The following DNAH6 variants were observed in gnomAD, a reference collection of about 807,000 sequenced individuals.
The protein encoded by DNAH6 is dynein axonemal heavy chain 6.
A neutral mutation model predicts 491.4 loss-of-function variants in DNAH6; 340 were observed. The ratio of observed to expected loss-of-function variants is 0.69; its 90% confidence interval spans 0.63 to 0.76. The LOEUF (loss-of-function observed/expected upper bound fraction) is 0.76, where lower values mean the gene tolerates loss of function less well. Ranked by LOEUF, DNAH6 falls within the 30% of genes least tolerant of loss-of-function variation. The probability of loss-of-function intolerance (pLI) is 0.00; values close to 1 mark genes in which losing one functional copy is unlikely to be tolerated. For missense variants in DNAH6, 4,443 were observed against 4,972.2 expected (o/e 0.89, Z 3.20); for synonymous variants, 1,603 against 1,686.1 (o/e 0.95, Z 1.21).
chr2:84,524,728 T>A (rs1194655708), intron 2 of DNAH6, among the ~76,000 whole-genome samples: 1 of 152,102 alleles, frequency 6.6e-6, no homozygotes, highest in Non-Finnish European at 1.5e-5. Context: ...AATCTTAACA[T>A]CATTTTTATA....
chr2:84,502,891 G>A, the DNAH6 span, among the ~76,000 whole-genome samples: 3 of 152,062 alleles, frequency 2.0e-5, no homozygotes, highest in Admixed American at 6.5e-5. Flanking sequence ...TGTCTTTACA[G>A]GGAATATGTG....
At chr2:84,772,795 G>T (rs772020607) in intron 64 of DNAH6, among the ~76,000 whole-genome samples, 1 of 151,910 alleles carries the variant, frequency 6.6e-6, no homozygotes, top group East Asian at 1.9e-4. Flanking sequence ...AATATTAATA[G>T]ATTTGGCAGA....
chr2:84,798,070 G>A (rs1261768031), intron 70 of DNAH6, among the ~76,000 whole-genome samples: 1 of 152,156 alleles, frequency 6.6e-6, no homozygotes, highest in Non-Finnish European at 1.5e-5. Flanking sequence ...AAAATACAGT[G>A]ACAAATGTCC....
chr2:84,632,738 A>G (rs904033976), intron 29 of DNAH6, among the ~76,000 whole-genome samples: 2 of 149,722 alleles, frequency 1.3e-5, no homozygotes, highest in African/African-American at 5.0e-5. Flanking sequence ...TATTATTACT[A>G]ATTTCCAGGG....
At chr2:84,570,791 C>T (rs371525103) in intron 11 of DNAH6, among the ~76,000 whole-genome samples, 2 of 152,176 alleles carry the variant, frequency 1.3e-5, no homozygotes, top group African/African-American at 4.8e-5. Flanking sequence ...CCCTTCCACG[C>T]TGTGGAAGGT....
chr2:84,557,239 T>C (rs993262905), intron 10 of DNAH6, among the ~76,000 whole-genome samples: 17 of 152,226 alleles, frequency 1.1e-4, no homozygotes, highest in Non-Finnish European at 2.2e-4. Flanking sequence ...TTAGAAAACA[T>C]ATGTCCTGAA....
intron 58 of DNAH6, among the ~76,000 whole-genome samples, chr2:84,717,028 C>G (rs1028143040): frequency 1.3e-5 from 2 of 152,118 alleles, no homozygotes; most frequent in African/African-American, 4.8e-5. Flanking sequence ...AGTTCACCTC[C>G]CTGCCTCCTG....
At chr2:84,539,624 A>G (rs1237901099) in intron 4 of DNAH6, among the ~76,000 whole-genome samples, 1 of 152,114 alleles carries the variant, frequency 6.6e-6, no homozygotes, top group African/African-American at 2.4e-5. Flanking sequence ...GCTAAAACAC[A>G]GATGGTTAAA....
rs767289672 is a variant in DNAH6, at chr2:84,701,276, C to T, written c.7998C>T (p.Ser2666=). 1.9e-5 allele frequency: 29 copies of T among 1,551,764 alleles called. No individual in the cohort carries two copies. Among genetic ancestry groups the T allele is most frequent in the Middle Eastern group, 1.7e-4 (1 of 6,016 alleles). ...LRRRYYTTPT[S]YLELINLYLS... Reference sequence around the variant, plus strand: ...GGCGGTACTACACGACACCCACCTCCTACCTGGAGCTTATCAATCTTTACC... The same window carrying T: ...GGCGGTACTACACGACACCCACCTCTTACCTGGAGCTTATCAATCTTTACC... Residue 2666 remains serine (S), a synonymous_variant, in exon 49 of 77, where the codon TCC becomes TCT. Coordinates refer to ENST00000389394, the MANE Select transcript of DNAH6 (RefSeq NM_001370.2).
chr2:84,571,251 A>G (rs1284886263), intron 11 of DNAH6, among the ~76,000 whole-genome samples: 1 of 152,246 alleles, frequency 6.6e-6, no homozygotes, highest in Non-Finnish European at 1.5e-5. Context: ...AGCAATCACC[A>G]AGAATCTCTG....
intron 4 of DNAH6, among the ~76,000 whole-genome samples, chr2:84,535,135 T>C (rs1677562707): frequency 6.6e-6 from 1 of 151,980 alleles, no homozygotes; most frequent in African/African-American, 2.4e-5. Flanking sequence ...CTTGAGTTTT[T>C]AAAAAATTTT....
At chr2:84,596,408 C>T (rs140570791) in intron 18 of DNAH6, among the ~76,000 whole-genome samples, 4,349 of 152,118 alleles carry the variant, frequency 0.029, 224 homozygotes, top group African/African-American at 0.099. Flanking sequence ...ACTGCAACCT[C>T]GGCCTCCTGG....
intron 71 of DNAH6, among the ~76,000 whole-genome samples, chr2:84,808,131 A>G (rs112017201): frequency 2.8e-3 from 390 of 141,254 alleles, no homozygotes; most frequent in African/African-American, 3.3e-3. Context: ...GTGTATATAT[A>G]TGTGTGTGTG....
intron 8 of DNAH6, among the ~76,000 whole-genome samples, chr2:84,549,340 T>G (rs1409183013): frequency 4.6e-5 from 7 of 152,182 alleles, no homozygotes; most frequent in African/African-American, 1.7e-4. Flanking sequence ...GACCTAGAAG[T>G]ATTAGAGGCC....
chr2:84,664,351 C>A (rs1298014123), intron 37 of DNAH6, among the ~76,000 whole-genome samples: 1 of 152,050 alleles, frequency 6.6e-6, no homozygotes, highest in Non-Finnish European at 1.5e-5. Context: ...ATTCAGGAGA[C>A]CCATCTCACG....
chr2:84,526,100 C>A (rs1461210551), intron 3 of DNAH6, among the ~76,000 whole-genome samples: 1 of 152,030 alleles, frequency 6.6e-6, no homozygotes, highest in Non-Finnish European at 1.5e-5. Context: ...AGCCAGCTAG[C>A]AAGACAATTT....
chr2:84,590,758 A>G (rs1558763534), intron 16 of DNAH6, among the ~76,000 whole-genome samples: 2 of 152,252 alleles, frequency 1.3e-5, no homozygotes, highest in Non-Finnish European at 2.9e-5. Context: ...CCCTTTCACT[A>G]TAATTCCTGC....
intron 63 of DNAH6, among the ~76,000 whole-genome samples, chr2:84,749,759 G>A (rs983723259): frequency 2.6e-5 from 4 of 152,172 alleles, no homozygotes; most frequent in Admixed American, 6.5e-5. Flanking sequence ...GAAAACATGA[G>A]AGGATGACTA....
the DNAH6 span, among the ~76,000 whole-genome samples, chr2:84,498,122 T>C: frequency 6.6e-6 from 1 of 152,204 alleles, no homozygotes; most frequent in Non-Finnish European, 1.5e-5. Flanking sequence ...TTGTCCTGAA[T>C]CTCTGTGCTT....
Sources: allele counts gnomAD v4.1 joint callset (sites outside exome capture counted in the v4.1 genomes callset), GRCh38; gene constraint gnomAD v4.1.1; transcripts MANE v1.5; gene names NCBI Gene and HGNC (gene_info 2026-07-23, HGNC 2026-07-21).